The following SYNE1 variants were observed in gnomAD, a reference collection of about 807,000 sequenced individuals.
SYNE1 encodes the protein spectrin repeat containing nuclear envelope protein 1.
SYNE1 carries 616 observed loss-of-function variants against 1,111.0 expected under a neutral mutation model. That is an observed-to-expected ratio of 0.55 (90% confidence interval 0.52 to 0.59). The LOEUF (loss-of-function observed/expected upper bound fraction) is 0.59, where lower values mean the gene tolerates loss of function less well. SYNE1 is among the 20% of genes least tolerant of loss of function. SYNE1 has a pLI of 0.00. For missense variants in SYNE1, 10,006 were observed against 10,417.0 expected, an observed-to-expected ratio of 0.96 and a Z score of 1.72; for synonymous variants, 3,855 against 3,825.8, an observed-to-expected ratio of 1.01 and a Z score of -0.28.
intron 135 of SYNE1, among the ~76,000 whole-genome samples, chr6:152,151,032 T>G (rs1395554094): frequency 6.6e-6 from 1 of 151,994 alleles, no homozygotes; most frequent in Non-Finnish European, 1.5e-5. Flanking sequence ...GCCAGCATAG[T>G]GAAACCCCAT....
At chr6:152,303,098 C>CT (rs71017533) in intron 91 of SYNE1, among the ~76,000 whole-genome samples, 16,509 of 107,024 alleles carry the variant, frequency 0.15, 1,461 homozygotes, top group South Asian at 0.26. Context: ...AACTATTATT[C>CT]TTTTTTTTTT....
chr6:152,450,512 A>G, intron 27 of SYNE1, 113 bp downstream of exon 27: 1 of 1,041,878 alleles, frequency 9.6e-7, no homozygotes. Context: ...GGATTTTTGT[A>G]CGAGAACATG....
At chr6:152,585,309 T>A (rs1251909738) in intron 3 of SYNE1, among the ~76,000 whole-genome samples, 1 of 152,252 alleles carries the variant, frequency 6.6e-6, no homozygotes, top group East Asian at 1.9e-4. Flanking sequence ...ATTAGCAGCA[T>A]GAGAACAGAC....
intron 130 of SYNE1, chr6:152,168,407 C>T: frequency 1.8e-6 from 1 of 551,850 alleles, no homozygotes; most frequent in Non-Finnish European, 3.2e-6. Flanking sequence ...TAACATGTGC[C>T]AGGCTTGATC....
intron 130 of SYNE1, 105 bp downstream of exon 130, chr6:152,176,289 A>G: frequency 6.6e-7 from 1 of 1,510,754 alleles, no homozygotes; most frequent in African/African-American, 1.4e-5. Flanking sequence ...GAGATAACCC[A>G]GGAAGAGAGA....
At chr6:152,406,462 A>T (rs1177999541) in intron 45 of SYNE1, among the ~76,000 whole-genome samples, 1 of 147,616 alleles carries the variant, frequency 6.8e-6, no homozygotes, top group Non-Finnish European at 1.5e-5. Flanking sequence ...AAAGAGCCCT[A>T]AATAAGCATA....
In SYNE1 at chr6:152,149,673, G is replaced by A; in HGVS notation, c.24451-5C>T. 1.2e-6 allele frequency: 2 copies of A among 1,613,224 alleles called. No homozygotes were observed. The highest frequency in any genetic ancestry group is 2.2e-5 in the South Asian group (2 of 91,052). On this transcript the variant is annotated splice_polypyrimidine_tract_variant and splice_region_variant and intron_variant, in intron 135 of 145. Coordinates refer to ENST00000367255, the MANE Select transcript of SYNE1 (RefSeq NM_182961.4). ...TGAAATTTCCTGCTGGAAGGCCTAG[G>A]GAGTACAAATCTCATGTGATTTTGC... is the stretch of plus-strand genomic sequence containing the variant.
intron 28 of SYNE1, among the ~76,000 whole-genome samples, 187 bp downstream of exon 28, chr6:152,449,346 C>G (rs941220127): frequency 6.6e-6 from 1 of 152,268 alleles, no homozygotes; most frequent in Non-Finnish European, 1.5e-5. Context: ...ACCCTCAAAG[C>G]TACCAAGGAT....
At position 152,180,983 on chromosome 6, in the gene SYNE1, C is replaced by A. The variant is rs115586090; in HGVS notation, c.23302-689G>T. ...ATTAAGATGTATTTCACATATGATA[C>A]AATCACCTGTTTAAAAATGTACAGT... On this transcript the variant is annotated intron_variant, in intron 128 of 145. Coordinates refer to ENST00000367255, the MANE Select transcript of SYNE1 (RefSeq NM_182961.4). Among the ~76,000 whole-genome samples, 1,183 of 149,600 alleles carry A rather than the reference C, an allele frequency of 7.9e-3. 14 individuals carry two copies. The highest frequency in any genetic ancestry group is 0.028 in the African/African-American group (1,136 of 40,434).
At chr6:152,485,167 G>A (rs567827092) in intron 12 of SYNE1, among the ~76,000 whole-genome samples, 195 bp from the exon 13 acceptor site, 3 of 152,298 alleles carry the variant, frequency 2.0e-5, no homozygotes, top group Non-Finnish European at 4.4e-5. Context: ...CCTGTGCTAA[G>A]TGCTTTCTTC....
chr6:152,238,723 A>C (rs1199863716), intron 108 of SYNE1, among the ~76,000 whole-genome samples: 1 of 152,160 alleles, frequency 6.6e-6, no homozygotes, highest in Non-Finnish European at 1.5e-5. Flanking sequence ...ATGAGAAAGC[A>C]GGAACAGTTT....
intron 121 of SYNE1, among the ~76,000 whole-genome samples, chr6:152,217,894 TG>T (rs2079127633): frequency 6.6e-6 from 1 of 151,804 alleles, no homozygotes; most frequent in Non-Finnish European, 1.5e-5. Context: ...AAAGAAAGAG[TG>T]GGTCTACATC....
In SYNE1 at chr6:152,433,812, G is replaced by C. The variant is rs1042173584; in HGVS notation, c.4444C>G (p.Gln1482Glu). The C allele has an allele frequency of 1.9e-6, 3 of 1,613,768 alleles. No homozygotes were observed. The highest frequency in any genetic ancestry group is 2.5e-6 in the Non-Finnish European group (3 of 1,179,754). The stretch of plus-strand genomic sequence containing the variant: ...CAGGTCACCTTAATTTGGCTGATTT[G>C]CATGTCCATGGCAGATGACGAAGTT... ...LETSSSAMDM[Q>E]ISQIKVTIQE... The change falls in exon 34 of 146, where the codon CAA becomes GAA. Residue 1482 changes from glutamine (Q) to glutamate (E), a missense_variant. By Grantham distance (29) the Gln-to-Glu change is conservative (BLOSUM62 2). Around this residue, in one of 7 missense-constraint regions of SYNE1, gnomAD observed 1,971 missense variants for 2,084.1 expected, o/e 0.95. Transcript: ENST00000367255.
At chr6:152,550,566 G>A (rs1169819747) in intron 3 of SYNE1, among the ~76,000 whole-genome samples, 4 of 151,372 alleles carry the variant, frequency 2.6e-5, no homozygotes, top group African/African-American at 9.7e-5. Flanking sequence ...GTATGGGGGT[G>A]TGGGAGAGAG....
intron 100 of SYNE1, among the ~76,000 whole-genome samples, chr6:152,264,977 A>T (rs1232027570): frequency 6.6e-6 from 1 of 152,070 alleles, no homozygotes; most frequent in East Asian, 1.9e-4. Context: ...TGGGAGGCCA[A>T]GGTGGGTGGA....
Position 152,488,466 on chromosome 6 carries a change from C to G in SYNE1, c.977G>C (p.Trp326Ser), listed in dbSNP as rs768586474. 1.2e-6 allele frequency: 2 copies of G among 1,607,784 alleles called. No individual in the cohort carries two copies. The highest frequency in any genetic ancestry group is 1.7e-6 in the Non-Finnish European group (2 of 1,175,942). ...DRVIFKEMKV[W>S]IEQFERDLTR... ...CAAATCTCTCTCAAATTGTTCTATC[C>G]AAACTTTCATTTCCTTAAAAATTAC... The change falls in exon 12 of 146, where the codon TGG becomes TCG. Residue 326 changes from tryptophan (W) to serine (S), a missense_variant. Trp to Ser is a radical substitution (Grantham distance 177). This residue lies in a region of SYNE1 where 1,971 missense variants were observed against 2,084.1 expected (regional missense o/e 0.95). Transcript: ENST00000367255.
intron 47 of SYNE1, among the ~76,000 whole-genome samples, chr6:152,400,467 C>T (rs566384361): frequency 6.6e-6 from 1 of 151,984 alleles, no homozygotes; most frequent in African/African-American, 2.4e-5. Flanking sequence ...AGTTCGAGAC[C>T]AGCCTGGCCA....
chr6:152,511,653 A>C (rs539658584), intron 6 of SYNE1: 38 of 1,539,076 alleles, frequency 2.5e-5, no homozygotes, highest in Admixed American at 1.7e-5. Flanking sequence ...CAAAATCAGC[A>C]TTATTTGTTC....
At chr6:152,365,160 T>G in intron 62 of SYNE1, 141 bp from the exon 63 acceptor site, 2 of 1,043,840 alleles carry the variant, frequency 1.9e-6, no homozygotes, top group South Asian at 1.4e-5. Flanking sequence ...AGACAGAGGG[T>G]GGGGAAGTGG....
Sources: gnomAD v4.1 joint callset for allele counts (sites outside exome capture counted in the v4.1 genomes callset) on GRCh38, gnomAD v4.1.1 for gene constraint, gnomAD v4.1.1 regional missense constraint, MANE v1.5 for transcripts, NCBI Gene and HGNC (gene_info 2026-07-23, HGNC 2026-07-21) for gene names.